LINGO2: variants seen among roughly 807,000 people sequenced by gnomAD.
LINGO2 encodes the protein leucine rich repeat and Ig domain containing 2.
Under a neutral mutation model 30.6 loss-of-function variants are expected in LINGO2, and 14 were observed. The observed-to-expected ratio is 0.46, with a 90% CI of 0.30 to 0.72. The LOEUF (loss-of-function observed/expected upper bound fraction) is 0.72. LINGO2 is among the 30% of genes least tolerant of loss of function. The pLI, the probability that LINGO2 is intolerant of heterozygous loss-of-function variation, is 0.07. For synonymous variants in LINGO2, 317 were observed against 288.5 expected, an observed-to-expected ratio of 1.10 and a Z score of -1.00; for missense variants, 729 against 751.7, an observed-to-expected ratio of 0.97 and a Z score of 0.35.
chr9:28,660,106 A>G (rs1247050147), intron 1 of LINGO2, among the ~76,000 whole-genome samples: 1 of 152,150 alleles, frequency 6.6e-6, no homozygotes, highest in Non-Finnish European at 1.5e-5. Context: ...ACAAAAATAT[A>G]TAAAAATTGC....
chr9:28,463,724 T>C lies in LINGO2; in HGVS notation c.-279+12216A>G, dbSNP rs138109872. Among the ~76,000 whole-genome samples, 42 of 149,514 alleles carry C rather than the reference T, an allele frequency of 2.8e-4. No individual in the cohort carries two copies. In the East Asian group the frequency reaches 7.6e-3, roughly 27 times the overall value. Reference sequence around the variant, plus strand: ...AAGGGGAGAGAGCCAAGATGAGCCATTGAAGAGTTTTATAATTCAATCATA... The same window carrying C: ...AAGGGGAGAGAGCCAAGATGAGCCACTGAAGAGTTTTATAATTCAATCATA... On this transcript the variant is annotated intron_variant, in intron 2 of 5. Coordinates refer to ENST00000379992, the Ensembl canonical transcript of LINGO2.
At chr9:29,008,130 A>G in the LINGO2 span, among the ~76,000 whole-genome samples, 1 of 151,866 alleles carries the variant, frequency 6.6e-6, no homozygotes, top group South Asian at 2.1e-4. Flanking sequence ...CCTGTGTCCA[A>G]GTGTTCTCAT....
chr9:28,068,481 A>C (rs1228680591), intron 4 of LINGO2, among the ~76,000 whole-genome samples: 2 of 152,124 alleles, frequency 1.3e-5, no homozygotes, highest in Non-Finnish European at 2.9e-5. Flanking sequence ...ATCTCCAAAT[A>C]CCATTACATT....
chr9:28,062,834 C>G (rs544769907), intron 4 of LINGO2, among the ~76,000 whole-genome samples: 13 of 151,832 alleles, frequency 8.6e-5, no homozygotes, highest in Non-Finnish European at 1.0e-4. Flanking sequence ...ACTATCACCA[C>G]ATTTTCATCA....
chr9:28,529,161 C>T (rs908650895), intron 1 of LINGO2, among the ~76,000 whole-genome samples: 6 of 152,124 alleles, frequency 3.9e-5, no homozygotes, highest in African/African-American at 1.4e-4. Flanking sequence ...ATGACCCATT[C>T]TCCTTCCAGT....
chr9:28,468,038 G>A (rs1055107393), intron 2 of LINGO2, among the ~76,000 whole-genome samples: 1 of 151,982 alleles, frequency 6.6e-6, no homozygotes, highest in African/African-American at 2.4e-5. Flanking sequence ...AAAGCTCAAA[G>A]CCCTTTTATC....
chr9:28,640,987 C>T (rs12000427), intron 1 of LINGO2, among the ~76,000 whole-genome samples: 2,934 of 152,122 alleles, frequency 0.019, 67 homozygotes, highest in African/African-American at 0.04. Context: ...ATGATGGTGA[C>T]GTACAGATGG....
intron 2 of LINGO2, among the ~76,000 whole-genome samples, chr9:28,414,521 G>A (rs1032819169): frequency 3.3e-5 from 5 of 152,082 alleles, no homozygotes; most frequent in African/African-American, 1.2e-4. Context: ...AACTGTTTTA[G>A]AAGGAGATTA....
intron 4 of LINGO2, among the ~76,000 whole-genome samples, chr9:28,234,880 C>T (rs758683053): frequency 9.9e-5 from 15 of 152,198 alleles, no homozygotes; most frequent in Admixed American, 3.3e-4. Context: ...GTATACACCA[C>T]TACTTCTGTC....
At chr9:29,127,140 A>G in the LINGO2 span, among the ~76,000 whole-genome samples, 1 of 152,106 alleles carries the variant, frequency 6.6e-6, no homozygotes, top group Non-Finnish European at 1.5e-5. Flanking sequence ...AAACCTCTAG[A>G]GAGTATTTAA....
intron 4 of LINGO2, among the ~76,000 whole-genome samples, chr9:28,039,167 TA>T (rs150904807): frequency 1.3e-5 from 2 of 152,128 alleles, no homozygotes; most frequent in African/African-American, 4.8e-5. Context: ...AAAACAAGTA[TA>T]AGTAGGCCGT....
At chr9:28,771,508 A>T in the LINGO2 span, among the ~76,000 whole-genome samples, 133 of 80,684 alleles carry the variant, frequency 1.6e-3, no homozygotes, top group Admixed American at 6.5e-3. Flanking sequence ...TGTGTGTGTG[A>T]GAGAGAGAGA....
the LINGO2 span, among the ~76,000 whole-genome samples, chr9:29,136,828 C>A: frequency 7.2e-5 from 11 of 152,110 alleles, no homozygotes; most frequent in Non-Finnish European, 1.6e-4. Flanking sequence ...TCATTTGATA[C>A]CCATGTCATC....
At chr9:29,126,269 T>C in the LINGO2 span, among the ~76,000 whole-genome samples, 1 of 152,124 alleles carries the variant, frequency 6.6e-6, no homozygotes, top group African/African-American at 2.4e-5. Flanking sequence ...GATCCCCTGA[T>C]TTAAATTATG....
Position 28,189,701 on chromosome 9 carries a change from GAGGAAGGAAGGAAGGA to G in LINGO2, c.-87+105491_-87+105506del, listed in dbSNP as rs145816256. Among the ~76,000 whole-genome samples, 14 of 16,616 alleles carry G rather than the reference GAGGAAGGAAGGAAGGA, an allele frequency of 8.4e-4. 1 individual carries two copies. The highest frequency in any genetic ancestry group is 2.5e-3 in the African/African-American group (14 of 5,704). The allele number at this position is 16,616 out of a possible 152,430, so 10.9% of individuals were successfully genotyped here. Reference sequence around the variant, plus strand: ...GAAGGAAGGGAGGAAGGAAGGGAGGGAGGAAGGAAGGAAGGAAGGAAGGTTGGTTCAAAAGATGATG... The same window carrying G: ...GAAGGAAGGGAGGAAGGAAGGGAGGGAGGAAGGTTGGTTCAAAAGATGATG... On this transcript the variant is annotated intron_variant, in intron 4 of 5. Transcript: ENST00000379992.
At chr9:28,876,046 C>T in the LINGO2 span, among the ~76,000 whole-genome samples, 5 of 152,024 alleles carry the variant, frequency 3.3e-5, no homozygotes, top group South Asian at 2.1e-4. Context: ...AACCCTTTCA[C>T]TCCGAGTATT....
chr9:28,235,985 CAG>C lies in LINGO2; in HGVS notation c.-87+59221_-87+59222del, dbSNP rs566199590. On this transcript the variant is annotated intron_variant, in intron 4 of 5. Coordinates refer to ENST00000379992, the Ensembl canonical transcript of LINGO2. Reference sequence around the variant, plus strand: ...AACGTTCAAATACACAAGAGGGAAACAGAACAACATGCAGATTTAGCCCAAAT... The same window carrying C: ...AACGTTCAAATACACAAGAGGGAAACAACAACATGCAGATTTAGCCCAAAT... Among the ~76,000 whole-genome samples, 27 of 152,166 alleles carry C rather than the reference CAG, an allele frequency of 1.8e-4. No homozygotes were observed. In the South Asian group the frequency reaches 5.4e-3, roughly 30 times the overall value.
intron 4 of LINGO2, among the ~76,000 whole-genome samples, chr9:28,139,538 G>C (rs1275909507): frequency 1.3e-5 from 2 of 152,160 alleles, no homozygotes; most frequent in African/African-American, 2.4e-5. Flanking sequence ...TTTAATTAAA[G>C]AGCATAAAGT....
At chr9:28,080,495 T>C (rs974941308) in intron 4 of LINGO2, 1 of 152,236 alleles carries the variant, frequency 6.6e-6, no homozygotes, top group Non-Finnish European at 1.5e-5. Flanking sequence ...CTTCTTGTCA[T>C]TTGCATCTTA....
Sources: allele counts gnomAD v4.1 joint callset (sites outside exome capture counted in the v4.1 genomes callset), GRCh38; gene constraint gnomAD v4.1.1; transcripts MANE v1.5; gene names NCBI Gene and HGNC (gene_info 2026-07-23, HGNC 2026-07-21).